Variants in NOC3L observed in about 807,000 individuals in gnomAD.
NOC3L encodes NOC3 like DNA replication regulator, also known as nucleolar complex protein 3 homolog.
A neutral mutation model predicts 102.5 loss-of-function variants in NOC3L; 85 were observed. That is an observed-to-expected ratio of 0.83 (90% CI 0.70 to 0.99). NOC3L has a LOEUF of 0.99. Among genes scored for constraint, NOC3L ranks in the 50% least tolerant of loss-of-function variants. The pLI is 0.00. For synonymous variants in NOC3L, 303 were observed against 309.4 expected (o/e 0.98, Z 0.22); for missense variants, 878 against 914.9 (o/e 0.96, Z 0.52).
the NOC3L span, among the ~76,000 whole-genome samples, chr10:94,319,809 AC>A: frequency 6.6e-6 from 1 of 151,180 alleles, no homozygotes; most frequent in Non-Finnish European, 1.5e-5. Flanking sequence ...GTGGCTTCGA[AC>A]TAATGTGGCT....
the NOC3L span, chr10:94,328,100 A>C: frequency 2.4e-6 from 1 of 416,412 alleles, no homozygotes; most frequent in Non-Finnish European, 5.0e-6. Flanking sequence ...TGCTGAGGAG[A>C]AGCAAAATGG....
At chr10:94,321,245 A>G in the NOC3L span, among the ~76,000 whole-genome samples, 2 of 152,226 alleles carry the variant, frequency 1.3e-5, no homozygotes, top group Non-Finnish European at 2.9e-5. Context: ...TTTCTTTTAA[A>G]TACAATTTAC....
intron 13 of NOC3L, among the ~76,000 whole-genome samples, chr10:94,342,120 A>G (rs984610991): frequency 1.3e-5 from 2 of 152,220 alleles, no homozygotes; most frequent in Non-Finnish European, 2.9e-5. Flanking sequence ...TCTGCTACTT[A>G]CAAGAATATG....
At chr10:94,361,132 G>A (rs1319012200) in intron 2 of NOC3L, among the ~76,000 whole-genome samples, 1 of 152,190 alleles carries the variant, frequency 6.6e-6, no homozygotes, top group South Asian at 2.1e-4. Context: ...GAACTAGCCT[G>A]ACTCAAAATA....
intron 8 of NOC3L, among the ~76,000 whole-genome samples, chr10:94,350,718 A>C (rs1178688549): frequency 7.1e-6 from 1 of 139,938 alleles, no homozygotes; most frequent in Non-Finnish European, 1.5e-5. Flanking sequence ...CATCGTCTCA[A>C]AAAAAAAAAA....
chr10:94,341,550 T>A (rs1441041498), intron 14 of NOC3L, 123 bp downstream of exon 14: 1 of 449,844 alleles, frequency 2.2e-6, no homozygotes, highest in Non-Finnish European at 3.9e-6. Flanking sequence ...TTTGTCAAAA[T>A]TCATAAACTG....
At chr10:94,323,958 C>T in the NOC3L span, among the ~76,000 whole-genome samples, 1 of 152,188 alleles carries the variant, frequency 6.6e-6, no homozygotes. Context: ...AGAGACGCTC[C>T]TGAAGAGCAA....
intron 10 of NOC3L, among the ~76,000 whole-genome samples, chr10:94,348,417 T>C (rs1838468695): frequency 6.6e-6 from 1 of 152,016 alleles, no homozygotes. Flanking sequence ...TAATATTCTT[T>C]ATGTAATGCA....
intron 13 of NOC3L, 28 bp from the exon 14 acceptor site, chr10:94,341,773 T>A: frequency 7.5e-7 from 1 of 1,334,386 alleles, no homozygotes; most frequent in Non-Finnish European, 1.0e-6. Context: ...AGTTAATCAG[T>A]GAACTAAAAG....
chr10:94,338,965 A>G (rs1390041774), intron 17 of NOC3L, among the ~76,000 whole-genome samples: 1 of 152,240 alleles, frequency 6.6e-6, no homozygotes, highest in Non-Finnish European at 1.5e-5. Flanking sequence ...TTATCTTGCA[A>G]AAGAAAAAAA....
At chr10:94,327,953 T>C in the NOC3L span, 4 of 532,096 alleles carry the variant, frequency 7.5e-6, no homozygotes, top group African/African-American at 1.9e-5. Flanking sequence ...TAAGCCTCTG[T>C]ATACAACATT....
chr10:94,360,557 C>T (rs2054540712), intron 2 of NOC3L, among the ~76,000 whole-genome samples: 1 of 151,844 alleles, frequency 6.6e-6, no homozygotes, highest in South Asian at 2.1e-4. Flanking sequence ...TTACCACTGG[C>T]TGGGAAAGGC....
At chr10:94,319,238 AC>A in the NOC3L span, among the ~76,000 whole-genome samples, 1 of 152,164 alleles carries the variant, frequency 6.6e-6, no homozygotes, top group Admixed American at 6.5e-5. Context: ...TTTTGAAATG[AC>A]TGAAATATAT....
the NOC3L span, among the ~76,000 whole-genome samples, chr10:94,322,717 A>T: frequency 6.6e-6 from 1 of 152,014 alleles, no homozygotes. Flanking sequence ...CCCGGGAGGC[A>T]GAGGTTGCAG....
intron 2 of NOC3L, chr10:94,361,392 TCA>T (rs1300708623): frequency 4.7e-6 from 2 of 429,434 alleles, no homozygotes; most frequent in Non-Finnish European, 8.3e-6. Context: ...CGGAGTACTT[TCA>T]GTTTGTTTTC....
At chr10:94,348,341 G>A (rs2054371506) in intron 10 of NOC3L, among the ~76,000 whole-genome samples, 1 of 151,720 alleles carries the variant, frequency 6.6e-6, no homozygotes, top group African/African-American at 2.4e-5. Flanking sequence ...TCATATATAA[G>A]GCTGAACACA....
At chr10:94,325,139 C>A in the NOC3L span, 1 of 1,440,308 alleles carries the variant, frequency 6.9e-7, no homozygotes, top group Non-Finnish European at 9.8e-7. Flanking sequence ...TGGAACAGGG[C>A]TTAACTTAAA....
intron 10 of NOC3L, among the ~76,000 whole-genome samples, chr10:94,348,497 G>A (rs969656454): frequency 2.6e-5 from 4 of 151,842 alleles, no homozygotes; most frequent in African/African-American, 9.7e-5. Context: ...AAAGTGCCTG[G>A]CACATAGCAG....
intron 17 of NOC3L, among the ~76,000 whole-genome samples, chr10:94,339,174 C>T (rs1191377410): frequency 6.6e-6 from 1 of 152,220 alleles, no homozygotes; most frequent in Non-Finnish European, 1.5e-5. Flanking sequence ...GGCACTGCTA[C>T]TCAAGCCAAG....
Sources: gnomAD v4.1 joint callset for allele counts (sites outside exome capture counted in the v4.1 genomes callset) on GRCh38, gnomAD v4.1.1 for gene constraint, MANE v1.5 for transcripts, NCBI Gene and HGNC (gene_info 2026-07-23, HGNC 2026-07-21) for gene names.